Variants in ACER1 observed in about 807,000 individuals in gnomAD.
The protein encoded by ACER1 is CTB-180A7.3.
ACER1 carries 28 observed loss-of-function variants against 24.9 expected under a neutral mutation model. The observed-to-expected ratio is 1.13, with a 90% CI of 0.83 to 1.54. The LOEUF (loss-of-function observed/expected upper bound fraction) is 1.54. Ranked by LOEUF, ACER1 falls within the 40% of genes most tolerant of loss-of-function variation. The probability of loss-of-function intolerance (pLI) is 0.00; values close to 1 mark genes in which losing one functional copy is unlikely to be tolerated. For synonymous variants in ACER1, 132 were observed against 131.4 expected (o/e 1.00, Z -0.03); for missense variants, 352 against 349.3 (o/e 1.01, Z -0.06).
chr19:6,314,124 A>AAT (rs74173084), intron 1 of ACER1, among the ~76,000 whole-genome samples: 3,922 of 148,620 alleles, frequency 0.026, 57 homozygotes, highest in South Asian at 0.073. Context: ...ATATATTGTG[A>AAT]ATATATATAT....
chr19:6,325,744 C>T (rs2091657999), intron 1 of ACER1, among the ~76,000 whole-genome samples: 1 of 152,218 alleles, frequency 6.6e-6, no homozygotes, highest in Non-Finnish European at 1.5e-5. Flanking sequence ...CCTGTAATCC[C>T]AGCTACTCTG....
the ACER1 span, among the ~76,000 whole-genome samples, chr19:6,351,637 G>A: frequency 6.6e-6 from 1 of 151,244 alleles, no homozygotes; most frequent in African/African-American, 2.5e-5. Flanking sequence ...GGAGGCTGAC[G>A]CAGGAAGATC....
At position 6,306,813 on chromosome 19, in the gene ACER1, C is replaced by G; in HGVS notation, c.696G>C (p.Glu232Asp). Reference protein sequence around the residue: ...VTMALVDANYEMPGETLKVRY... With the variant: ...VTMALVDANYDMPGETLKVRY... ...GGACTTTGAGGGTTTCACCTGGCAT[C>G]TCATAGTTGGCATCCACCAAGGCCA... The change falls in exon 6 of 6, where the codon GAG becomes GAC. Residue 232 changes from glutamate (E) to aspartate (D), a missense_variant. By Grantham distance (45) the Glu-to-Asp change is conservative. Coordinates refer to ENST00000301452, the MANE Select transcript of ACER1 (RefSeq NM_133492.3). The G allele has an allele frequency of 6.2e-7, 1 of 1,614,188 alleles. No individual in the cohort carries two copies. Among genetic ancestry groups the G allele is most frequent in the Non-Finnish European group, 8.5e-7 (1 of 1,180,030 alleles).
the ACER1 span, among the ~76,000 whole-genome samples, chr19:6,355,382 G>A: frequency 1.3e-4 from 19 of 144,176 alleles, 1 homozygote; most frequent in East Asian, 3.5e-3. Flanking sequence ...AGTGAGGAGC[G>A]CCTCTTCCCG....
chr19:6,358,481 C>T, the ACER1 span, among the ~76,000 whole-genome samples: 14,388 of 152,102 alleles, frequency 0.095, 1,474 homozygotes, highest in African/African-American at 0.26. Flanking sequence ...ATCTAGGGTA[C>T]CCAGCATCAA....
chr19:6,341,622 G>GT, the ACER1 span, among the ~76,000 whole-genome samples: 4 of 150,578 alleles, frequency 2.7e-5, no homozygotes, highest in African/African-American at 9.8e-5. Flanking sequence ...GTTTTGTTTT[G>GT]TTTTGTTTTT....
At chr19:6,348,102 G>C in the ACER1 span, among the ~76,000 whole-genome samples, 1 of 151,100 alleles carries the variant, frequency 6.6e-6, no homozygotes, top group Non-Finnish European at 1.5e-5. Flanking sequence ...ACAAAGCTGG[G>C]AGGCATCCAG....
chr19:6,343,425 C>T, the ACER1 span, among the ~76,000 whole-genome samples: 1 of 151,984 alleles, frequency 6.6e-6, no homozygotes, highest in Non-Finnish European at 1.5e-5. Flanking sequence ...GTGGCCTCCA[C>T]TCCCAATATG....
chr19:6,332,263 G>A (rs1199065405), intron 1 of ACER1, among the ~76,000 whole-genome samples: 4 of 139,948 alleles, frequency 2.9e-5, no homozygotes, highest in African/African-American at 5.6e-5. Flanking sequence ...CTCCGCGCCC[G>A]GCCTTTTTTT....
At chr19:6,353,939 T>C in the ACER1 span, among the ~76,000 whole-genome samples, 2 of 151,972 alleles carry the variant, frequency 1.3e-5, no homozygotes, top group African/African-American at 4.8e-5. Context: ...CTCAGCACTT[T>C]GGGAGGCCGA....
the ACER1 span, among the ~76,000 whole-genome samples, chr19:6,359,411 T>C: frequency 6.8e-6 from 1 of 148,072 alleles, no homozygotes; most frequent in African/African-American, 2.5e-5. Context: ...CTCTGCCTCC[T>C]GGGTTCAAGT....
At chr19:6,330,317 G>A (rs556986495) in intron 1 of ACER1, among the ~76,000 whole-genome samples, 9 of 149,872 alleles carry the variant, frequency 6.0e-5, no homozygotes, top group Non-Finnish European at 1.0e-4. Flanking sequence ...ATAGGCATGC[G>A]CCACCATGCC....
chr19:6,347,109 A>AAAAAATATAT, the ACER1 span, among the ~76,000 whole-genome samples: 211 of 113,744 alleles, frequency 1.9e-3, 5 homozygotes, highest in African/African-American at 9.6e-3. Flanking sequence ...AAAAAAAAAA[A>AAAAAATATAT]ATATATATAT....
At chr19:6,350,287 G>A in the ACER1 span, among the ~76,000 whole-genome samples, 1 of 152,140 alleles carries the variant, frequency 6.6e-6, no homozygotes, top group East Asian at 1.9e-4. Context: ...CCAACATGGT[G>A]AAACCCCGTC....
intron 1 of ACER1, among the ~76,000 whole-genome samples, chr19:6,313,029 G>A (rs1335510642): frequency 1.3e-5 from 2 of 152,052 alleles, no homozygotes; most frequent in African/African-American, 2.4e-5. Flanking sequence ...TCAATTTCTC[G>A]ATCCGTTATT....
Position 6,309,775 on chromosome 19 carries a change from A to G in ACER1, c.410T>C (p.Leu137Pro). 6.2e-7 allele frequency: 1 copy of G among 1,614,128 alleles called. No individual in the cohort carries two copies. Among genetic ancestry groups the G allele is most frequent in the Non-Finnish European group, 8.5e-7 (1 of 1,180,000 alleles). ...TTVVSTLLSF[L>P]RPTVNAYALN... ...GGCGTAGGCGTTGACCGTGGGCCGCAGGAAGGACAGAAGGGTGCTGACCAC... is the reference window on the plus strand; with the variant it reads ...GGCGTAGGCGTTGACCGTGGGCCGCGGGAAGGACAGAAGGGTGCTGACCAC... Residue 137 changes from leucine to proline, a missense_variant, in exon 4 of 6, where the codon CTG becomes CCG. Leu to Pro is a moderately conservative substitution (Grantham distance 98). Transcript: ENST00000301452.
chr19:6,344,783 A>G, the ACER1 span, among the ~76,000 whole-genome samples: 11 of 152,162 alleles, frequency 7.2e-5, no homozygotes, highest in African/African-American at 2.4e-4. Flanking sequence ...TTTAAACCAT[A>G]TATGTATGTT....
chr19:6,320,351 C>T (rs2091623972), intron 1 of ACER1, among the ~76,000 whole-genome samples: 1 of 152,108 alleles, frequency 6.6e-6, no homozygotes. Flanking sequence ...CTCACTCTGT[C>T]ACCCAGGCTG....
At chr19:6,315,437 T>C (rs1269585266) in intron 1 of ACER1, among the ~76,000 whole-genome samples, 1 of 151,956 alleles carries the variant, frequency 6.6e-6, no homozygotes, top group Non-Finnish European at 1.5e-5. Context: ...TGGAGTACAG[T>C]GGCGCGATCT....
Sources: gnomAD v4.1 joint callset for allele counts (sites outside exome capture counted in the v4.1 genomes callset) on GRCh38, gnomAD v4.1.1 for gene constraint, MANE v1.5 for transcripts, NCBI Gene and HGNC (gene_info 2026-07-23, HGNC 2026-07-21) for gene names.